PIEZO2: variants seen among roughly 807,000 people sequenced by gnomAD.
The protein encoded by PIEZO2 is piezo-type mechanosensitive ion channel component 2.
PIEZO2 carries 172 observed loss-of-function variants against 337.3 expected under a neutral mutation model. That is an observed-to-expected ratio of 0.51 (90% CI 0.45 to 0.58). PIEZO2 has a LOEUF of 0.58. PIEZO2 is among the 20% of genes least tolerant of loss of function. The pLI is 0.00. For missense variants in PIEZO2, 3,028 were observed against 3,391.3 expected (o/e 0.89, Z 2.66); for synonymous variants, 1,251 against 1,228.5 (o/e 1.02, Z -0.38).
intron 11 of PIEZO2, among the ~76,000 whole-genome samples, chr18:10,797,882 A>G (rs532000399): frequency 6.6e-6 from 1 of 152,116 alleles, no homozygotes; most frequent in Non-Finnish European, 1.5e-5. Flanking sequence ...CAAATAGGGC[A>G]CTCTAGAGGG....
rs879288561 is a variant in PIEZO2, at chr18:11,028,885, T to A, written c.160+37242A>T. Among the ~76,000 whole-genome samples the A allele has an allele frequency of 1.1e-4, 16 of 152,230 alleles. No individual in the cohort carries two copies. Among genetic ancestry groups the A allele is most frequent in the Middle Eastern group, 6.8e-3 (2 of 294 alleles). On this transcript the variant is annotated intron_variant, in intron 2 of 55. Transcript: ENST00000674853. The surrounding 1 kb of genome is among the most constrained non-coding windows in gnomAD (Gnocchi z 4.8). ...TCATCAATTGCCCTGTGCCAAAGAA[T>A]ACATTTGGTGTCATAGGAAACAGAG...
In PIEZO2 at chr18:10,870,023, G is replaced by A. The variant is rs1227524216; in HGVS notation, c.492+1230C>T. 6.6e-6 allele frequency among the ~76,000 whole-genome samples: 1 copy of A among 152,034 alleles called. No homozygotes were observed. Among genetic ancestry groups the A allele is most frequent in the Non-Finnish European group, 1.5e-5 (1 of 68,016 alleles). On this transcript the variant is annotated intron_variant, in intron 5 of 55. Transcript: ENST00000674853. This position sits in a 1 kb window ranked among gnomAD's most constrained non-coding sequence, Gnocchi z 5.3. ...CCTGAGTAGCTAGAATTACAGGCAA[G>A]CACCATCACGCTCAGCTAATTTTTG...
chr18:10,858,401 G>A (rs2041785812), intron 5 of PIEZO2, among the ~76,000 whole-genome samples: 1 of 150,538 alleles, frequency 6.6e-6, no homozygotes, highest in African/African-American at 2.4e-5. Flanking sequence ...TAAGGCAAAA[G>A]GAGTCTGTCT....
chr18:11,029,671 C>A (rs1359423654), intron 2 of PIEZO2, among the ~76,000 whole-genome samples: 1 of 152,136 alleles, frequency 6.6e-6, no homozygotes, highest in Non-Finnish European at 1.5e-5. Context: ...TCCTTCATTC[C>A]TCCCCAGGCC....
At chr18:10,849,110 G>A (rs2041457055) in intron 7 of PIEZO2, among the ~76,000 whole-genome samples, 1 of 152,152 alleles carries the variant, frequency 6.6e-6, no homozygotes, top group African/African-American at 2.4e-5. Flanking sequence ...CTGCCTCCTG[G>A]ATTCAAGCAA....
chr18:10,788,436 A>AAGGG (rs2039301464), intron 15 of PIEZO2, among the ~76,000 whole-genome samples: 2 of 104,338 alleles, frequency 1.9e-5, no homozygotes, highest in Admixed American at 1.7e-4. Context: ...GAAAGGAAGG[A>AAGGG]AGGAAGGAAG....
rs1307994743 is a variant in PIEZO2, at chr18:10,707,845, T to G, written c.5588+430A>C. Among the ~76,000 whole-genome samples the G allele has an allele frequency of 2.6e-5, 4 of 152,200 alleles. No individual in the cohort carries two copies. In the East Asian group the frequency reaches 7.7e-4, roughly 29 times the overall value. The stretch of plus-strand genomic sequence containing the variant: ...ACTAAAAATGACTACCTATGATAGA[T>G]TTTTAGATTTTTTTCCTACTGCATG... On this transcript the variant is annotated intron_variant, in intron 40 of 55. Transcript: ENST00000674853. The surrounding 1 kb of genome is among the most constrained non-coding windows in gnomAD (Gnocchi z 4.2).
chr18:11,089,252 G>A (rs1297699006), intron 1 of PIEZO2, among the ~76,000 whole-genome samples: 1 of 152,096 alleles, frequency 6.6e-6, no homozygotes, highest in East Asian at 1.9e-4. Context: ...AGCTCTCAGG[G>A]CTCAATTCAT....
At chr18:10,848,434 C>T (rs1315773842) in intron 7 of PIEZO2, among the ~76,000 whole-genome samples, 2 of 152,150 alleles carry the variant, frequency 1.3e-5, no homozygotes, top group East Asian at 3.8e-4. Flanking sequence ...GAAACGTGAG[C>T]TTTTCCTTCA....
rs9954443 is a variant in PIEZO2, at chr18:10,828,607, C to T, written c.918-21333G>A. ...GAGATATTGGTGCCCAGAGAGGGTC[C>T]GGAACTCAAATATTGGTTCTTCTCA... On this transcript the variant is annotated intron_variant, in intron 7 of 55. Transcript: ENST00000674853. This position sits in a 1 kb window ranked among gnomAD's most constrained non-coding sequence, Gnocchi z 4.1. Among the ~76,000 whole-genome samples, 29,754 of 151,884 alleles carry T rather than the reference C, an allele frequency of 0.2. 3,039 individuals are homozygous for T. Among genetic ancestry groups the T allele is most frequent in the Middle Eastern group, 0.31 (92 of 294 alleles).
At chr18:10,762,663 C>T (rs545986799) in intron 22 of PIEZO2, 38 bp from the exon 23 acceptor site, 1 of 1,531,534 alleles carries the variant, frequency 6.5e-7, no homozygotes, top group Non-Finnish European at 8.7e-7. Context: ...AAAAATAGCT[C>T]CACAGATTAG....
At chr18:11,103,773 G>A (rs2039481536) in intron 1 of PIEZO2, among the ~76,000 whole-genome samples, 1 of 151,172 alleles carries the variant, frequency 6.6e-6, no homozygotes. Flanking sequence ...CCTTAAAAAA[G>A]ACAGATGCTG....
At chr18:10,754,421 G>A (rs932614541) in intron 27 of PIEZO2, among the ~76,000 whole-genome samples, 1 of 152,236 alleles carries the variant, frequency 6.6e-6, no homozygotes, top group Admixed American at 6.5e-5. Flanking sequence ...ACTTACTGCT[G>A]TGGCATTTGA....
At chr18:10,703,678 CT>C (rs143301826) in intron 42 of PIEZO2, among the ~76,000 whole-genome samples, 1,944 of 148,824 alleles carry the variant, frequency 0.013, 53 homozygotes, top group African/African-American at 0.044. Flanking sequence ...GAATATCGAG[CT>C]TTTTTTTTTA....
At chr18:10,818,381 ACT>A (rs1419397481) in intron 7 of PIEZO2, among the ~76,000 whole-genome samples, 1 of 152,166 alleles carries the variant, frequency 6.6e-6, no homozygotes, top group African/African-American at 2.4e-5. Flanking sequence ...AGTTGAACAA[ACT>A]CTATGTATAG....
chr18:10,910,303 C>T (rs1269134295), intron 4 of PIEZO2, among the ~76,000 whole-genome samples: 5 of 152,210 alleles, frequency 3.3e-5, no homozygotes, highest in Admixed American at 6.5e-5. Context: ...CATTGACCAG[C>T]GGGTGCAGTG....
At chr18:10,817,913 A>C (rs2040409971) in intron 7 of PIEZO2, among the ~76,000 whole-genome samples, 1 of 145,718 alleles carries the variant, frequency 6.9e-6, no homozygotes, top group Admixed American at 6.9e-5. Context: ...ACAGAGCAAG[A>C]CTCTGTCAAA....
At chr18:10,731,345 A>G (rs2036776915) in intron 36 of PIEZO2, 62 bp downstream of exon 36, 1 of 1,159,518 alleles carries the variant, frequency 8.6e-7, no homozygotes, top group Non-Finnish European at 1.2e-6. Flanking sequence ...TTTGCAGACA[A>G]GGCTGGGGAG....
intron 36 of PIEZO2, 133 bp from the exon 37 acceptor site, chr18:10,718,392 A>G: frequency 1.4e-6 from 1 of 735,038 alleles, no homozygotes; most frequent in Admixed American, 2.7e-5. Flanking sequence ...CCTTGGGGAA[A>G]GGTTGTTAGA....
Sources: gnomAD v4.1 joint callset for allele counts (sites outside exome capture counted in the v4.1 genomes callset) on GRCh38, gnomAD v4.1.1 for gene constraint, Gnocchi (gnomAD v3.1) non-coding constraint, MANE v1.5 for transcripts, NCBI Gene and HGNC (gene_info 2026-07-23, HGNC 2026-07-21) for gene names.